Variants in ATRNL1 observed in about 807,000 individuals in gnomAD.
ATRNL1 encodes the protein attractin-like protein 1.
A neutral mutation model predicts 182.7 loss-of-function variants in ATRNL1; 95 were observed. That is an observed-to-expected ratio of 0.52 (90% CI 0.44 to 0.62). ATRNL1 has a LOEUF of 0.62. Ranked by LOEUF, ATRNL1 falls within the 20% of genes least tolerant of loss-of-function variation. The pLI, the probability that ATRNL1 is intolerant of heterozygous loss-of-function variation, is 0.00. For synonymous variants in ATRNL1, 576 were observed against 568.3 expected (o/e 1.01, Z -0.19); for missense variants, 1,471 against 1,679.5 (o/e 0.88, Z 2.17).
At chr10:115,096,321 T>C (rs771066646) in intron 1 of ATRNL1, among the ~76,000 whole-genome samples, 1 of 152,170 alleles carries the variant, frequency 6.6e-6, no homozygotes, top group Non-Finnish European at 1.5e-5. Flanking sequence ...CTCTTGGGGA[T>C]AAAGAACACA....
At chr10:115,619,765 A>C (rs1253743760) in intron 26 of ATRNL1, among the ~76,000 whole-genome samples, 1 of 152,148 alleles carries the variant, frequency 6.6e-6, no homozygotes, top group Non-Finnish European at 1.5e-5. Flanking sequence ...TTCATTTATA[A>C]AGTTTCTCTG....
intron 21 of ATRNL1, among the ~76,000 whole-genome samples, chr10:115,448,381 G>T (rs1304498666): frequency 1.3e-5 from 2 of 152,074 alleles, no homozygotes; most frequent in East Asian, 3.9e-4. Flanking sequence ...TCAGGACAAA[G>T]AAAATTGCTC....
intron 5 of ATRNL1, among the ~76,000 whole-genome samples, chr10:115,148,162 C>G (rs1554879765): frequency 6.6e-6 from 1 of 151,900 alleles, no homozygotes; most frequent in East Asian, 1.9e-4. Flanking sequence ...AGAGATTGTC[C>G]ACATGCTTGG....
At chr10:115,695,687 A>G (rs1377450733) in intron 26 of ATRNL1, among the ~76,000 whole-genome samples, 7 of 152,182 alleles carry the variant, frequency 4.6e-5, no homozygotes, top group Non-Finnish European at 8.8e-5. Flanking sequence ...GAACATTTAC[A>G]TCTTGATGCT....
At position 115,156,142 on chromosome 10, in the gene ATRNL1, C is replaced by T. The variant is rs114365246; in HGVS notation, c.830-3898C>T. Among the ~76,000 whole-genome samples the T allele has an allele frequency of 3.3e-3, 508 of 152,112 alleles. 4 individuals are homozygous for T. Among genetic ancestry groups the T allele is most frequent in the African/African-American group, 0.012 (492 of 41,502 alleles). ...CAGGGACAGCAAGACTGATAACGTG[C>T]GATGCTGAGGTACATCTACTTACCA... On this transcript the variant is annotated intron_variant, in intron 5 of 28. Coordinates refer to ENST00000355044, the MANE Select transcript of ATRNL1 (RefSeq NM_207303.4).
intron 26 of ATRNL1, among the ~76,000 whole-genome samples, chr10:115,606,687 A>G (rs1463991784): frequency 6.6e-6 from 1 of 152,022 alleles, no homozygotes; most frequent in African/African-American, 2.4e-5. Flanking sequence ...TTTTAAAGAG[A>G]TGTTTCTATG....
intron 13 of ATRNL1, among the ~76,000 whole-genome samples, chr10:115,277,190 A>G (rs1169323422): frequency 2.0e-5 from 3 of 152,080 alleles, no homozygotes; most frequent in Non-Finnish European, 2.9e-5. Context: ...ATAAGAAAGT[A>G]TGTTTCTAAT....
At chr10:115,731,164 C>T (rs1555062651) in intron 27 of ATRNL1, among the ~76,000 whole-genome samples, 2 of 152,164 alleles carry the variant, frequency 1.3e-5, no homozygotes. Context: ...TCCTTCAATG[C>T]AATCAAGTTG....
intron 3 of ATRNL1, among the ~76,000 whole-genome samples, chr10:115,125,828 G>A (rs1328596185): frequency 6.6e-6 from 1 of 151,756 alleles, no homozygotes; most frequent in Non-Finnish European, 1.5e-5. Context: ...GTTTTTTTTA[G>A]CCCTTCAAAT....
rs545361614 is a variant in ATRNL1 at position 115,581,171 on chromosome 10, A to C, written c.3795+31635A>C. Among the ~76,000 whole-genome samples the C allele has an allele frequency of 2.6e-5, 4 of 152,266 alleles. No homozygotes were observed. In the East Asian group the frequency reaches 7.7e-4, roughly 29 times the overall value. ...CTGTGTTATCAGACTAGTGTCTTTT[A>C]AGAAATGTACCTCACTAATCAATTC... is the stretch of plus-strand genomic sequence containing the variant. On this transcript the variant is annotated intron_variant, in intron 26 of 28. Coordinates refer to ENST00000355044, the MANE Select transcript of ATRNL1 (RefSeq NM_207303.4).
chr10:115,537,419 A>G (rs565258294), intron 25 of ATRNL1, among the ~76,000 whole-genome samples: 43 of 152,320 alleles, frequency 2.8e-4, no homozygotes, highest in South Asian at 2.1e-3. Context: ...AGGTATCACT[A>G]TTTAACTCAC....
chr10:115,569,484 T>A (rs1854263964), intron 26 of ATRNL1, among the ~76,000 whole-genome samples: 1 of 152,184 alleles, frequency 6.6e-6, no homozygotes, highest in Non-Finnish European at 1.5e-5. Flanking sequence ...GCATGAAGAG[T>A]GTTTTGTCAA....
At chr10:115,340,081 G>A (rs1554937818) in intron 19 of ATRNL1, among the ~76,000 whole-genome samples, 4 of 152,124 alleles carry the variant, frequency 2.6e-5, no homozygotes, top group Non-Finnish European at 5.9e-5. Flanking sequence ...TCTTTCTGAT[G>A]TACTGTTGAA....
chr10:115,530,003 T>C (rs1329568119), intron 25 of ATRNL1, among the ~76,000 whole-genome samples: 1 of 152,172 alleles, frequency 6.6e-6, no homozygotes, highest in Admixed American at 6.5e-5. Flanking sequence ...CTTTTGTGAC[T>C]GGTTCCTTTC....
chr10:115,351,780 T>G (rs1003993531), intron 19 of ATRNL1, among the ~76,000 whole-genome samples: 21 of 152,142 alleles, frequency 1.4e-4, no homozygotes, highest in Non-Finnish European at 2.4e-4. Flanking sequence ...TTTGTGTTTT[T>G]GTTTTTAATT....
chr10:115,198,636 C>T (rs1363145754), intron 8 of ATRNL1, among the ~76,000 whole-genome samples: 12 of 151,988 alleles, frequency 7.9e-5, no homozygotes, highest in South Asian at 4.1e-4. Flanking sequence ...TTTACCATTT[C>T]GTGTCTTATC....
chr10:115,491,465 A>G (rs1554976562), intron 24 of ATRNL1, among the ~76,000 whole-genome samples: 1 of 151,424 alleles, frequency 6.6e-6, no homozygotes, highest in African/African-American at 2.4e-5. Flanking sequence ...GAATCTAGAG[A>G]GGCAGTCTGG....
intron 27 of ATRNL1, among the ~76,000 whole-genome samples, chr10:115,734,365 C>T (rs1555064599): frequency 6.6e-6 from 1 of 152,094 alleles, no homozygotes; most frequent in African/African-American, 2.4e-5. Context: ...TAATTTGATA[C>T]AATAAATGTT....
chr10:115,853,981 C>A (rs1951117293), intron 28 of ATRNL1, among the ~76,000 whole-genome samples: 1 of 152,158 alleles, frequency 6.6e-6, no homozygotes, highest in Non-Finnish European at 1.5e-5. Context: ...CACTTGCTAC[C>A]CTTACTCATT....
Sources: gnomAD v4.1 joint callset for allele counts (sites outside exome capture counted in the v4.1 genomes callset) on GRCh38, gnomAD v4.1.1 for gene constraint, MANE v1.5 for transcripts, NCBI Gene and HGNC (gene_info 2026-07-23, HGNC 2026-07-21) for gene names.